The following PSME4 variants were observed in gnomAD, a reference collection of about 807,000 sequenced individuals.
The protein encoded by PSME4 is proteasome activator subunit 4.
A neutral mutation model predicts 253.9 loss-of-function variants in PSME4; 89 were observed. The observed-to-expected ratio is 0.35, with a 90% CI of 0.30 to 0.42. The LOEUF (loss-of-function observed/expected upper bound fraction) is 0.42. PSME4 is among the 10% of genes least tolerant of loss of function. The pLI is 1.00. For missense variants in PSME4, 2,014 were observed against 2,195.2 expected, an observed-to-expected ratio of 0.92 and a Z score of 1.65; for synonymous variants, 851 against 759.2, an observed-to-expected ratio of 1.12 and a Z score of -1.99.
chr2:53,879,336 A>G (rs918846398), intron 41 of PSME4, among the ~76,000 whole-genome samples: 1 of 152,222 alleles, frequency 6.6e-6, no homozygotes, highest in Non-Finnish European at 1.5e-5. Flanking sequence ...TAGTTTAGAT[A>G]TCCTATCGTA....
chr2:53,896,929 T>G lies in PSME4; in HGVS notation c.3607-44A>C, dbSNP rs369675674. ...ACACATTCATAAAAAAAAGTTTAAATCACTTAACTGGTTGTCTGCTTTACT... is the reference window on the plus strand; with the variant it reads ...ACACATTCATAAAAAAAAGTTTAAAGCACTTAACTGGTTGTCTGCTTTACT... On this transcript the variant is annotated intron_variant, in intron 31 of 46. Coordinates refer to ENST00000404125, the MANE Select transcript of PSME4 (RefSeq NM_014614.3). 3 of 1,394,630 alleles carry G rather than the reference T, an allele frequency of 2.2e-6. No individual in the cohort carries two copies. In the African/African-American group the frequency reaches 4.3e-5, roughly 20 times the overall value. 86.4% of individuals were successfully genotyped at this position (1,394,630 alleles called of 1,614,324 possible). A position where few individuals can be genotyped will look rare whatever the true frequency, so the allele number is the denominator to read the frequency against.
At position 53,952,227 on chromosome 2, in the gene PSME4, G is replaced by A. The variant is rs551262202; in HGVS notation, c.243-2944C>T. On this transcript the variant is annotated intron_variant, in intron 1 of 46. Transcript: ENST00000404125. ...GAGGTGGGCAGATCACGTGAGATTA[G>A]GAGTTCGAGACCACCAGCCTGGCCA... 2.0e-5 allele frequency among the ~76,000 whole-genome samples: 3 copies of A among 152,072 alleles called. 1 individual carries two copies. Among genetic ancestry groups the A allele is most frequent in the South Asian group, 4.1e-4 (2 of 4,820 alleles).
chr2:53,920,051 T>A, intron 19 of PSME4, 142 bp downstream of exon 19: 1 of 758,118 alleles, frequency 1.3e-6, no homozygotes, highest in South Asian at 3.3e-5. Context: ...TACAACATTA[T>A]ATTAAATGAT....
chr2:53,970,820 G>A lies in PSME4; in HGVS notation c.-36C>T, dbSNP rs1210965130. The A allele has an allele frequency of 1.2e-6, 1 of 852,102 alleles. No individual in the cohort carries two copies. The highest frequency in any genetic ancestry group is 1.5e-6 in the Non-Finnish European group (1 of 652,444). 52.8% of individuals were successfully genotyped at this position (852,102 alleles called of 1,614,324 possible). On this transcript the variant is annotated 5_prime_UTR_variant, in exon 1 of 47. Coordinates refer to ENST00000404125, the MANE Select transcript of PSME4 (RefSeq NM_014614.3). ...ACACCCCCCCCACCCCCTCCCACCC[G>A]AACCCTCCCCGGCCCCCACCCCTCT... is the stretch of plus-strand genomic sequence containing the variant.
chr2:53,908,066 T>A, intron 24 of PSME4: 2 of 418,800 alleles, frequency 4.8e-6, no homozygotes, highest in South Asian at 3.9e-5. Flanking sequence ...GTAGTCTCAA[T>A]GCTATTGTCC....
At chr2:53,936,296 T>A in intron 6 of PSME4, 135 bp from the exon 7 acceptor site, 1 of 1,265,636 alleles carries the variant, frequency 7.9e-7, no homozygotes, top group Non-Finnish European at 1.0e-6. Context: ...TATGACTTTG[T>A]TTTTTTTAAA....
intron 26 of PSME4, among the ~76,000 whole-genome samples, chr2:53,905,701 A>G (rs1388509678): frequency 6.6e-6 from 1 of 152,110 alleles, no homozygotes; most frequent in African/African-American, 2.4e-5. Flanking sequence ...AGCTATTTAG[A>G]AAGCTGAGGT....
intron 1 of PSME4, among the ~76,000 whole-genome samples, chr2:53,956,626 G>A (rs1030679364): frequency 9.9e-5 from 15 of 151,890 alleles, no homozygotes; most frequent in African/African-American, 3.6e-4. Context: ...AAGCTGGAGT[G>A]CAGTGGCCCA....
chr2:53,887,650 T>C (rs1400132178), intron 39 of PSME4, among the ~76,000 whole-genome samples, 183 bp from the exon 40 acceptor site: 1 of 152,226 alleles, frequency 6.6e-6, no homozygotes, highest in African/African-American at 2.4e-5. Context: ...GTGTTGTGAC[T>C]GCTCATCTCT....
intron 42 of PSME4, among the ~76,000 whole-genome samples, chr2:53,875,215 G>C (rs1220658487): frequency 6.6e-6 from 1 of 152,182 alleles, no homozygotes; most frequent in Non-Finnish European, 1.5e-5. Flanking sequence ...GTAATGTCTG[G>C]ATAAAGCTGA....
chr2:53,932,234 G>A, intron 9 of PSME4, 134 bp from the exon 10 acceptor site: 1 of 728,918 alleles, frequency 1.4e-6, no homozygotes, highest in Non-Finnish European at 2.2e-6. Flanking sequence ...GAACTGCACA[G>A]CATAACTAGA....
At chr2:53,933,957 A>G (rs1668982473) in intron 8 of PSME4, among the ~76,000 whole-genome samples, 1 of 152,188 alleles carries the variant, frequency 6.6e-6, no homozygotes, top group African/African-American at 2.4e-5. Context: ...TAAGAAGTAA[A>G]CTTTTAAACA....
At chr2:53,903,457 T>A (rs778911980) in intron 27 of PSME4, among the ~76,000 whole-genome samples, 4 of 152,218 alleles carry the variant, frequency 2.6e-5, no homozygotes, top group African/African-American at 4.8e-5. Context: ...GCAATCATTA[T>A]ATATTACCTA....
At position 53,928,586 on chromosome 2, in the gene PSME4, T is replaced by C. The variant is rs1357548011; in HGVS notation, c.1317-283A>G. On this transcript the variant is annotated intron_variant, in intron 10 of 46. Coordinates refer to ENST00000404125, the MANE Select transcript of PSME4 (RefSeq NM_014614.3). ...TACACTGAACAATATATTTTTATAA[T>C]TGTTCTATTTTATGATTGTTTTTAA... Among the ~76,000 whole-genome samples the C allele has an allele frequency of 2.6e-5, 4 of 152,190 alleles. No homozygotes were observed. In the East Asian group the frequency reaches 7.7e-4, roughly 29 times the overall value.
intron 27 of PSME4, among the ~76,000 whole-genome samples, chr2:53,902,879 G>C (rs1680476609): frequency 6.6e-6 from 1 of 152,204 alleles, no homozygotes; most frequent in African/African-American, 2.4e-5. Context: ...CTGAGCTATA[G>C]TTTATTGACA....
Position 53,949,225 on chromosome 2 carries a change from A to T in PSME4, c.301T>A (p.Leu101Ile). 6.2e-7 allele frequency: 1 copy of T among 1,611,066 alleles called. No individual in the cohort carries two copies. Among genetic ancestry groups the T allele is most frequent in the Non-Finnish European group, 8.5e-7 (1 of 1,178,540 alleles). Reference protein sequence around the residue: ...SKEDHVLFIKLLYELVSIPKL... With the variant: ...SKEDHVLFIKILYELVSIPKL... ...GGAATTGATACCAGCTCATACAATA[A>T]CTTAATAAAAAGAACATGATCTTCT... The change falls in exon 2 of 47, where the codon TTA becomes ATA. Residue 101 changes from leucine (L) to isoleucine (I), a missense_variant. Leu to Ile is a conservative substitution (Grantham distance 5, BLOSUM62 2). Coordinates refer to ENST00000404125, the MANE Select transcript of PSME4 (RefSeq NM_014614.3).
At chr2:53,922,632 T>G in intron 16 of PSME4, 48 bp from the exon 17 acceptor site, 1 of 1,570,200 alleles carries the variant, frequency 6.4e-7, no homozygotes, top group Non-Finnish European at 8.6e-7. Context: ...TGCATTCAAC[T>G]AAATATAGCA....
intron 10 of PSME4, among the ~76,000 whole-genome samples, chr2:53,931,626 G>A (rs547440013): frequency 6.6e-6 from 1 of 152,192 alleles, no homozygotes; most frequent in Non-Finnish European, 1.5e-5. Flanking sequence ...TCCAAAAGAT[G>A]TATGTTACCC....
Position 53,914,836 on chromosome 2 carries a change from G to C in PSME4, c.2516+4315C>G, listed in dbSNP as rs866210646. 9.9e-5 allele frequency among the ~76,000 whole-genome samples: 15 copies of C among 152,276 alleles called. No homozygotes were observed. In the South Asian group the frequency reaches 1.0e-3, roughly 11 times the overall value. The stretch of plus-strand genomic sequence containing the variant: ...GCAGAGGTTGCAGTGAGCTGAGATT[G>C]TGCCACCGCACTCCAGCCTGGGCAA... On this transcript the variant is annotated intron_variant, in intron 20 of 46. Coordinates refer to ENST00000404125, the MANE Select transcript of PSME4 (RefSeq NM_014614.3).
Sources: gnomAD v4.1 joint callset for allele counts (sites outside exome capture counted in the v4.1 genomes callset) on GRCh38, gnomAD v4.1.1 for gene constraint, MANE v1.5 for transcripts, NCBI Gene and HGNC (gene_info 2026-07-23, HGNC 2026-07-21) for gene names.